SLCO3A1: variants seen among roughly 807,000 people sequenced by gnomAD.
SLCO3A1 encodes solute carrier organic anion transporter family member 3A1.
In SLCO3A1, 27 loss-of-function variants were observed where a neutral mutation model predicts 63.1. The ratio of observed to expected loss-of-function variants is 0.43; its 90% confidence interval spans 0.32 to 0.59. The LOEUF (loss-of-function observed/expected upper bound fraction) is 0.59. Among genes scored for constraint, SLCO3A1 ranks in the 20% least tolerant of loss-of-function variants. The pLI is 0.09. For synonymous variants in SLCO3A1, 473 were observed against 409.9 expected (o/e 1.15, Z -1.86); for missense variants, 773 against 945.8 (o/e 0.82, Z 2.40).
chr15:92,079,309 G>C (rs2047315087), intron 2 of SLCO3A1, among the ~76,000 whole-genome samples: 2 of 152,206 alleles, frequency 1.3e-5, no homozygotes, highest in South Asian at 4.1e-4. Flanking sequence ...TGGGAGCTGT[G>C]TTAGTCTCCT....
Position 91,856,031 on chromosome 15 carries a change from C to T in SLCO3A1, c.180+1943C>T, listed in dbSNP as rs556248468. Reference sequence around the variant, plus strand: ...GGCTGCAACTAGATGAATGGCCTAGCTCCTTTAGAAAGTTAAGAAGCCGAG... The same window carrying T: ...GGCTGCAACTAGATGAATGGCCTAGTTCCTTTAGAAAGTTAAGAAGCCGAG... On this transcript the variant is annotated intron_variant, in intron 1 of 9. Transcript: ENST00000318445. This position sits in a 1 kb window ranked among gnomAD's most constrained non-coding sequence, Gnocchi z 4.9. Among the ~76,000 whole-genome samples the T allele has an allele frequency of 2.0e-5, 3 of 152,130 alleles. 1 individual carries two copies. In the East Asian group the frequency reaches 5.8e-4, roughly 29 times the overall value.
At chr15:92,146,914 C>A in intron 7 of SLCO3A1, 70 bp from the exon 8 acceptor site, 1 of 1,412,764 alleles carries the variant, frequency 7.1e-7, no homozygotes, top group Non-Finnish European at 9.7e-7. Flanking sequence ...ACAGATTCAG[C>A]TGATGGATGG....
rs145025713 is a variant in SLCO3A1, at chr15:91,949,707, G to T, written c.646+33249G>T. Among the ~76,000 whole-genome samples the T allele has an allele frequency of 4.8e-3, 725 of 152,126 alleles. 2 individuals carry two copies. Among genetic ancestry groups the T allele is most frequent in the Middle Eastern group, 6.8e-3 (2 of 292 alleles). ...TGAAGCCCTATGAAAGTGTGTTGGT[G>T]GTTGCCTTTAATATAGAAGGCAGAT... On this transcript the variant is annotated intron_variant, in intron 2 of 9. Transcript: ENST00000318445.
chr15:91,937,226 G>A (rs140614182), intron 2 of SLCO3A1, among the ~76,000 whole-genome samples: 3 of 152,306 alleles, frequency 2.0e-5, no homozygotes, highest in East Asian at 1.9e-4. Flanking sequence ...TAGAGATGGC[G>A]TTAATAAGGA....
intron 2 of SLCO3A1, among the ~76,000 whole-genome samples, chr15:92,008,109 T>G (rs2046331697): frequency 6.6e-6 from 1 of 152,210 alleles, no homozygotes; most frequent in African/African-American, 2.4e-5. Flanking sequence ...AACCCCATAC[T>G]TGGTCCCTAA....
intron 1 of SLCO3A1, among the ~76,000 whole-genome samples, chr15:91,868,715 C>G (rs1897226487): frequency 6.6e-6 from 1 of 152,278 alleles, no homozygotes; most frequent in Non-Finnish European, 1.5e-5. Flanking sequence ...TTTATACTTT[C>G]AATGATCTTG....
intron 2 of SLCO3A1, among the ~76,000 whole-genome samples, chr15:92,036,237 A>G (rs2046724170): frequency 1.3e-5 from 2 of 152,200 alleles, no homozygotes; most frequent in Non-Finnish European, 2.9e-5. Flanking sequence ...TTTTAAAGCC[A>G]ATCTGAGAAT....
rs963871729 is a variant in SLCO3A1, at chr15:92,164,149, C to T, written c.*1014C>T. ...AACCCTTCAAGTCACTAACACAGTT[C>T]TCTAGGCCGGATTTATTATGCTGGT... On this transcript the variant is annotated 3_prime_UTR_variant, in exon 10 of 10. Coordinates refer to ENST00000318445, the MANE Select transcript of SLCO3A1 (RefSeq NM_013272.4). The T allele has an allele frequency of 3.0e-6, 3 of 984,514 alleles. No individual in the cohort carries two copies. Among genetic ancestry groups the T allele is most frequent in the African/African-American group, 3.5e-5 (2 of 57,238 alleles). 61.0% of individuals were successfully genotyped at this position (984,514 alleles called of 1,614,324 possible). A position where few individuals can be genotyped will look rare whatever the true frequency, so the allele number is the denominator to read the frequency against.
intron 1 of SLCO3A1, among the ~76,000 whole-genome samples, chr15:91,861,787 C>A (rs930611056): frequency 6.6e-6 from 1 of 151,594 alleles, no homozygotes; most frequent in Non-Finnish European, 1.5e-5. Context: ...CCAAGCCTGG[C>A]TAGTTTTCTT....
intron 2 of SLCO3A1, among the ~76,000 whole-genome samples, chr15:92,056,986 C>A (rs865996115): frequency 3.3e-5 from 5 of 152,322 alleles, no homozygotes; most frequent in Middle Eastern, 3.4e-3. Flanking sequence ...CTCCCTCCTG[C>A]CAGAAAATAC....
rs1314186603 is a variant in SLCO3A1 at position 91,986,996 on chromosome 15, G to T, written c.646+70538G>T. On this transcript the variant is annotated intron_variant, in intron 2 of 9. Coordinates refer to ENST00000318445, the MANE Select transcript of SLCO3A1 (RefSeq NM_013272.4). Reference sequence around the variant, plus strand: ...ATGGTCAGATGCTGTCCATCTCAGTGTATCCAGGCAGGGACACAGGCAAGG... The same window carrying T: ...ATGGTCAGATGCTGTCCATCTCAGTTTATCCAGGCAGGGACACAGGCAAGG... Among the ~76,000 whole-genome samples, 3 of 152,180 alleles carry T rather than the reference G, an allele frequency of 2.0e-5. No individual in the cohort carries two copies. In the East Asian group the frequency reaches 5.8e-4, roughly 29 times the overall value.
intron 1 of SLCO3A1, among the ~76,000 whole-genome samples, chr15:91,902,753 C>T (rs1340488031): frequency 6.6e-6 from 1 of 152,090 alleles, no homozygotes; most frequent in Non-Finnish European, 1.5e-5. Flanking sequence ...CTGCCTTTTT[C>T]CTTCTAGAGA....
rs749107126 is a variant in SLCO3A1 at position 92,126,218 on chromosome 15, C to A, written c.1332C>A (p.Asp444Glu). The A allele has an allele frequency of 6.2e-7, 1 of 1,613,958 alleles. No homozygotes were observed. Among genetic ancestry groups the A allele is most frequent in the East Asian group, 2.2e-5 (1 of 44,866 alleles). Reference sequence around the variant, plus strand: ...TCTCCTTCCTCTTCCTGGGCTGCGACACTGGCCCTGTGGCTGGGGTTACTG... The same window carrying A: ...TCTCCTTCCTCTTCCTGGGCTGCGAAACTGGCCCTGTGGCTGGGGTTACTG... ...CYVSFLFLGCDTGPVAGVTVP... is the reference protein window; with the variant it reads ...CYVSFLFLGCETGPVAGVTVP... The change falls in exon 6 of 10, where the codon GAC (aspartate) becomes GAA (glutamate). Residue 444 changes from aspartate (D) to glutamate (E), a missense_variant. Asp to Glu is a conservative substitution (Grantham distance 45). Coordinates refer to ENST00000318445, the MANE Select transcript of SLCO3A1 (RefSeq NM_013272.4).
chr15:91,928,359 T>C (rs573672284), intron 2 of SLCO3A1, among the ~76,000 whole-genome samples: 1 of 152,296 alleles, frequency 6.6e-6, no homozygotes, highest in East Asian at 1.9e-4. Flanking sequence ...ATTCTTTCTG[T>C]GTAGGTAAAG....
intron 2 of SLCO3A1, among the ~76,000 whole-genome samples, chr15:92,083,953 A>C (rs967803278): frequency 1.3e-5 from 2 of 152,176 alleles, no homozygotes; most frequent in African/African-American, 4.8e-5. Context: ...ACAGCCAGTG[A>C]CTGCAGACCC....
chr15:91,953,515 G>A (rs541750439), intron 2 of SLCO3A1, among the ~76,000 whole-genome samples: 12 of 152,304 alleles, frequency 7.9e-5, no homozygotes, highest in Admixed American at 3.9e-4. Flanking sequence ...GTAGGTGTTT[G>A]TCAGGCAGAC....
chr15:92,070,213 T>G (rs545330947), intron 2 of SLCO3A1, among the ~76,000 whole-genome samples: 1 of 152,322 alleles, frequency 6.6e-6, no homozygotes, highest in African/African-American at 2.4e-5. Flanking sequence ...CTCGTACCAT[T>G]GTTTGGAGGG....
At chr15:92,129,608 A>G (rs1596127172) in intron 7 of SLCO3A1, among the ~76,000 whole-genome samples, 1 of 152,180 alleles carries the variant, frequency 6.6e-6, no homozygotes. Flanking sequence ...AAGGGCCAGC[A>G]CCCAGAAGTA....
chr15:92,138,056 A>C lies in SLCO3A1; in HGVS notation c.1513-8928A>C, dbSNP rs1415334481. On this transcript the variant is annotated intron_variant, in intron 7 of 9. Transcript: ENST00000318445. ...GGACATGAAGTCCTTGCCCATGCCT[A>C]TGTCCTGAATGGTAATGCCTAGGTT... Among the ~76,000 whole-genome samples, 2 of 110,290 alleles carry C rather than the reference A, an allele frequency of 1.8e-5. 1 individual carries two copies. Among genetic ancestry groups the C allele is most frequent in the African/African-American group, 9.6e-5 (2 of 20,836 alleles). The allele number at this position is 110,290 out of a possible 152,430, so 72.4% of individuals were successfully genotyped here.
Sources: gnomAD v4.1 joint callset for allele counts (sites outside exome capture counted in the v4.1 genomes callset) on GRCh38, gnomAD v4.1.1 for gene constraint, Gnocchi (gnomAD v3.1) non-coding constraint, MANE v1.5 for transcripts, NCBI Gene and HGNC (gene_info 2026-07-23, HGNC 2026-07-21) for gene names.